The following ZNF91 variants were observed in gnomAD, a reference collection of about 807,000 sequenced individuals.
ZNF91 encodes zinc finger protein 91 (HPF7, HTF10).
Under a neutral mutation model 12.6 loss-of-function variants are expected in ZNF91, and 7 were observed. That is an observed-to-expected ratio of 0.55 (90% CI 0.31 to 1.04). The LOEUF (loss-of-function observed/expected upper bound fraction) is 1.04. Among genes scored for constraint, ZNF91 ranks in the 50% least tolerant of loss-of-function variants. ZNF91 has a pLI of 0.05. For missense variants in ZNF91, 1,217 were observed against 1,385.4 expected (o/e 0.88, Z 1.93); for synonymous variants, 453 against 462.6 (o/e 0.98, Z 0.27).
At position 23,357,879 on chromosome 19, in the gene ZNF91, TTG is replaced by T. The variant is rs1232645074; in HGVS notation, c.*1522_*1523del. 5 of 152,182 alleles carry T rather than the reference TTG, an allele frequency of 3.3e-5. No individual in the cohort carries two copies. The highest frequency in any genetic ancestry group is 1.9e-4 in the East Asian group (1 of 5,198). 9.4% of individuals were successfully genotyped at this position (152,182 alleles called of 1,614,324 possible). A position where few individuals can be genotyped will look rare whatever the true frequency, so the allele number is the denominator to read the frequency against. On this transcript the variant is annotated 3_prime_UTR_variant, in exon 4 of 4. Transcript: ENST00000300619. Reference sequence around the variant, plus strand: ...TTTAGTCTAATGCGATTGTTATATATTGTGTGTCCGTATCAAAATATGCCACA... The same window carrying T: ...TTTAGTCTAATGCGATTGTTATATATTGTGTCCGTATCAAAATATGCCACA...
At chr19:23,338,354 A>G (rs1568372764), downstream of ZNF91, 1 of 152,124 alleles carries the variant, frequency 6.6e-6, no homozygotes, top group Non-Finnish European at 1.5e-5. Flanking sequence ...AGAGAATGGG[A>G]TGGCACTTTT....
At position 23,361,192 on chromosome 19, in the gene ZNF91, T is replaced by C; in HGVS notation, c.1787A>G (p.His596Arg). 6.2e-7 allele frequency: 1 copy of C among 1,613,640 alleles called. No homozygotes were observed. Among genetic ancestry groups the C allele is most frequent in the Non-Finnish European group, 8.5e-7 (1 of 1,179,792 alleles). The change falls in exon 4 of 4, where the codon CAT becomes CGT. Residue 596 changes from histidine (H) to arginine (R), a missense_variant. By Grantham distance (29) the His-to-Arg change is conservative (BLOSUM62 0). Around this residue, in one of 2 missense-constraint regions of ZNF91, gnomAD observed 726 missense variants for 895.5 expected, o/e 0.81. Transcript: ENST00000300619. ...SSSLSTHKII[H>R]TGEKSYKCEE... The stretch of plus-strand genomic sequence containing the variant: ...ACACTTGTAAGACTTCTCTCCAGTA[T>C]GAATTATCTTATGTGTAGAAAGACT...
intron 2 of ZNF91, chr19:23,308,540 G>T (rs917697119): frequency 9.9e-5 from 15 of 152,086 alleles, no homozygotes; most frequent in Non-Finnish European, 1.8e-4. Flanking sequence ...CAGCACACAA[G>T]TGATGTGATT....
intron 1 of ZNF91, among the ~76,000 whole-genome samples, chr19:23,389,402 CA>C (rs34173990): frequency 0.056 from 6,226 of 111,794 alleles, 311 homozygotes; most frequent in African/African-American, 0.15. Flanking sequence ...AAGTTTTTGG[CA>C]AAAAAAAAAA....
chr19:23,309,168 T>A (rs1967435712), intron 1 of ZNF91: 1 of 151,968 alleles, frequency 6.6e-6, no homozygotes, highest in Non-Finnish European at 1.5e-5. Flanking sequence ...ATGTAACTCT[T>A]CTCATTTCCC....
intron 1 of ZNF91, among the ~76,000 whole-genome samples, chr19:23,329,603 T>C (rs1181638278): frequency 6.6e-6 from 1 of 152,196 alleles, no homozygotes; most frequent in East Asian, 1.9e-4. Flanking sequence ...AAATGATTCA[T>C]TTTACCCCTT....
chr19:23,373,105 C>T (rs1451408532), intron 3 of ZNF91, among the ~76,000 whole-genome samples: 2 of 152,136 alleles, frequency 1.3e-5, no homozygotes, highest in Non-Finnish European at 2.9e-5. Flanking sequence ...GACATTCTAT[C>T]ACTCTGAGGA....
At position 23,347,872 on chromosome 19, in the gene ZNF91, G is replaced by A. The variant is rs1253432337; in HGVS notation, c.254-8818C>T. 2.6e-5 allele frequency among the ~76,000 whole-genome samples: 4 copies of A among 152,222 alleles called. No homozygotes were observed. In the East Asian group the frequency reaches 7.7e-4, roughly 29 times the overall value. Reference sequence around the variant, plus strand: ...TTCACTCACATGCCACCCAATAATGGCTCTGCTATCTTCTAGTCTTTGTCC... The same window carrying A: ...TTCACTCACATGCCACCCAATAATGACTCTGCTATCTTCTAGTCTTTGTCC... On this transcript the variant is annotated intron_variant, in intron 3 of 3. Coordinates refer to the ZNF91 transcript ENST00000599743.
At position 23,372,331 on chromosome 19, in the gene ZNF91, C is replaced by A. The variant is rs546497413; in HGVS notation, c.253+1411G>T. 3.9e-5 allele frequency among the ~76,000 whole-genome samples: 6 copies of A among 152,262 alleles called. No individual in the cohort carries two copies. In the South Asian group the frequency reaches 1.2e-3, roughly 32 times the overall value. On this transcript the variant is annotated intron_variant, in intron 3 of 3. Coordinates refer to ENST00000300619, the MANE Select transcript of ZNF91 (RefSeq NM_003430.4). The stretch of plus-strand genomic sequence containing the variant: ...GAGAACCAGGCATCATGGTTCACAC[C>A]TGTAATGACAGCTACATGGCACATT...
At chr19:23,381,499 T>C (rs1174007004) in intron 1 of ZNF91, among the ~76,000 whole-genome samples, 1 of 151,518 alleles carries the variant, frequency 6.6e-6, no homozygotes, top group Non-Finnish European at 1.5e-5. Flanking sequence ...TTTGCTCTCA[T>C]TGCCCAGGCT....
intron 1 of ZNF91, among the ~76,000 whole-genome samples, chr19:23,378,852 C>T (rs748343537): frequency 6.6e-6 from 1 of 152,130 alleles, no homozygotes; most frequent in Non-Finnish European, 1.5e-5. Flanking sequence ...ATCTATTTTT[C>T]TAATGACTAT....
At chr19:23,306,206 G>A (rs763344318) in intron 3 of ZNF91, among the ~76,000 whole-genome samples, 3 of 152,162 alleles carry the variant, frequency 2.0e-5, no homozygotes, top group Non-Finnish European at 4.4e-5. Flanking sequence ...TTGAGACTAC[G>A]ACTCATCTAT....
At chr19:23,342,278 AAAAATTAGCATGACTTTC>A (rs1440314040) in intron 3 of ZNF91, 4 of 440,456 alleles carry the variant, frequency 9.1e-6, no homozygotes, top group African/African-American at 2.0e-5. Flanking sequence ...GTTTTGTTAG[AAAAATTAGCATGACTTTC>A]TGGGATCCTC....
chr19:23,336,859 C>T (rs992024506), downstream of ZNF91, among the ~76,000 whole-genome samples: 2 of 151,998 alleles, frequency 1.3e-5, no homozygotes, highest in Admixed American at 6.6e-5. Context: ...AGGCTCCGCC[C>T]CCCAGGTTCA....
At chr19:23,373,369 TATATATATATATATATAA>T (rs898354562) in intron 3 of ZNF91, among the ~76,000 whole-genome samples, 26 of 83,234 alleles carry the variant, frequency 3.1e-4, no homozygotes, top group Admixed American at 6.1e-4. Context: ...TATATATATA[TATATATATATATATATAA>T]ATAAACAGTA....
intron 3 of ZNF91, among the ~76,000 whole-genome samples, chr19:23,340,605 CAAT>C (rs138991116): frequency 6.6e-6 from 1 of 152,036 alleles, no homozygotes; most frequent in African/African-American, 2.4e-5. Flanking sequence ...AGTGTACAAA[CAAT>C]AATAATCCTC....
chr19:23,362,286 A>G lies in ZNF91; in HGVS notation c.693T>C (p.Ile231=). ...ATTTGTAGGGTTTATCTTCAGTATG[A>G]ATTTCCTTATGATTAGTAAGGGTTG... ...WSSTLTNHKE[I]HTEDKPYKCE... The change falls in exon 4 of 4, where the codon ATT becomes ATC. Residue 231 remains isoleucine (I), a synonymous_variant. Transcript: ENST00000300619. 1 of 1,614,046 alleles carries G rather than the reference A, an allele frequency of 6.2e-7. No individual in the cohort carries two copies. The highest frequency in any genetic ancestry group is 8.5e-7 in the Non-Finnish European group (1 of 1,179,982).
intron 1 of ZNF91, chr19:23,385,250 C>A: frequency 1.8e-6 from 1 of 543,592 alleles, no homozygotes; most frequent in Non-Finnish European, 3.3e-6. Context: ...ATTGGGCCCT[C>A]ACTTTTGGAT....
intron 1 of ZNF91, among the ~76,000 whole-genome samples, chr19:23,330,792 A>G (rs531667397): frequency 6.6e-6 from 1 of 152,344 alleles, no homozygotes; most frequent in South Asian, 2.1e-4. Flanking sequence ...CTAAGCTTAA[A>G]TATGGTTTTT....
Sources: gnomAD v4.1 joint callset for allele counts (sites outside exome capture counted in the v4.1 genomes callset) on GRCh38, gnomAD v4.1.1 for gene constraint, gnomAD v4.1.1 regional missense constraint, MANE v1.5 for transcripts, NCBI Gene and HGNC (gene_info 2026-07-23, HGNC 2026-07-21) for gene names.